Variants in SPTBN4 observed in about 807,000 individuals in gnomAD.
SPTBN4 encodes the protein spectrin beta, non-erythrocytic 4.
SPTBN4 carries 96 observed loss-of-function variants against 277.8 expected under a neutral mutation model. That is an observed-to-expected ratio of 0.35 (90% CI 0.29 to 0.41). SPTBN4 has a LOEUF of 0.41. Among genes scored for constraint, SPTBN4 ranks in the 10% least tolerant of loss-of-function variants. The probability of loss-of-function intolerance (pLI) is 1.00; values close to 1 mark genes in which losing one functional copy is unlikely to be tolerated. For missense variants in SPTBN4, 3,006 were observed against 3,595.7 expected, an observed-to-expected ratio of 0.84 and a Z score of 4.19; for synonymous variants, 1,481 against 1,580.3, an observed-to-expected ratio of 0.94 and a Z score of 1.49.
At chr19:40,509,607 G>T (rs1051458089) in intron 13 of SPTBN4, among the ~76,000 whole-genome samples, 1 of 152,162 alleles carries the variant, frequency 6.6e-6, no homozygotes, top group Non-Finnish European at 1.5e-5. Flanking sequence ...GGCAGTTGGG[G>T]CTGCTTTATT....
At chr19:40,530,837 C>G (rs914247991) in intron 18 of SPTBN4, 3 of 151,834 alleles carry the variant, frequency 2.0e-5, no homozygotes, top group African/African-American at 7.3e-5. Context: ...AGCGGGGGGA[C>G]TTCTAAGACC....
At chr19:40,533,720 C>T (rs1261604354) in intron 19 of SPTBN4, among the ~76,000 whole-genome samples, 1 of 151,926 alleles carries the variant, frequency 6.6e-6, no homozygotes, top group Non-Finnish European at 1.5e-5. Context: ...GGTCCTCTCC[C>T]CATGTTTCTG....
chr19:40,560,788 T>C lies in SPTBN4; in HGVS notation c.5915+385T>C. On this transcript the variant is annotated intron_variant, in intron 27 of 35. Transcript: ENST00000598249. The surrounding 1 kb of genome is among the most constrained non-coding windows in gnomAD (Gnocchi z 5.2). ...GGCTTCATTAGTGGGCATGGGCTTA[T>C]TGCTCACATAGTGGTTGGATGTGAG... is the stretch of plus-strand genomic sequence containing the variant. 1 of 1,184,362 alleles carries C rather than the reference T, an allele frequency of 8.4e-7. No individual in the cohort carries two copies. Among genetic ancestry groups the C allele is most frequent in the Non-Finnish European group, 1.1e-6 (1 of 940,856 alleles). The allele number at this position is 1,184,362 out of a possible 1,614,324, so 73.4% of individuals were successfully genotyped here. A position where few individuals can be genotyped will look rare whatever the true frequency, so the allele number is the denominator to read the frequency against.
At chr19:40,552,588 A>T (rs2080931251) in intron 22 of SPTBN4, among the ~76,000 whole-genome samples, 1 of 152,000 alleles carries the variant, frequency 6.6e-6, no homozygotes, top group Admixed American at 6.6e-5. Context: ...CATTATCCTC[A>T]TTTCACCAAA....
intron 18 of SPTBN4, chr19:40,530,983 T>G (rs546770023): frequency 6.6e-6 from 1 of 150,830 alleles, no homozygotes; most frequent in African/African-American, 2.4e-5. Flanking sequence ...GGGGGTTTCT[T>G]TCTTGTTTTG....
rs757346060 is a variant in SPTBN4, at chr19:40,566,251, G to A, written c.6228G>A (p.Leu2076=). The A allele has an allele frequency of 1.9e-6, 3 of 1,569,982 alleles. No homozygotes were observed. In the South Asian group the frequency reaches 3.5e-5, roughly 18 times the overall value. ...AQEPLLQSRE[L]GSSVDEVEQL... ...AGCCGCTCCTGCAGAGCCGGGAGCT[G>A]GGCAGCAGCGTGGATGAGGTGGAGC... Residue 2076 remains leucine, a synonymous_variant, in exon 30 of 36, where the codon CTG becomes CTA. Transcript: ENST00000598249.
Position 40,554,023 on chromosome 19 carries a change from G to A in SPTBN4, c.4675-124G>A, listed in dbSNP as rs1163789412. 2.0e-6 allele frequency: 2 copies of A among 1,001,912 alleles called. No individual in the cohort carries two copies. Among genetic ancestry groups the A allele is most frequent in the South Asian group, 2.0e-5 (1 of 49,898 alleles). 62.1% of individuals were successfully genotyped at this position (1,001,912 alleles called of 1,614,324 possible). A position where few individuals can be genotyped will look rare whatever the true frequency, so the allele number is the denominator to read the frequency against. On this transcript the variant is annotated intron_variant, in intron 22 of 35. Transcript: ENST00000598249. This position sits in a 1 kb window ranked among gnomAD's most constrained non-coding sequence, Gnocchi z 5.7. ...AATGTTTACATGGTCTTGGCACGTG[G>A]TTAGCGAGCTGGGGGTGCTTGTTAA...
chr19:40,549,171 C>G lies in SPTBN4; in HGVS notation c.4360-18C>G, dbSNP rs765322233. 6.5e-7 allele frequency: 1 copy of G among 1,531,298 alleles called. No individual in the cohort carries two copies. The allele number at this position is 1,531,298 out of a possible 1,614,324, so 94.9% of individuals were successfully genotyped here. ...GGAGGGCGGGTGGGGCCCATTGACC[C>G]TGCCTCTGTCCCCACAGTCCATGGA... On this transcript the variant is annotated intron_variant, in intron 20 of 35. Coordinates refer to ENST00000598249, the MANE Select transcript of SPTBN4 (RefSeq NM_020971.3).
chr19:40,530,895 C>A (rs1193797754), intron 18 of SPTBN4: 14 of 150,590 alleles, frequency 9.3e-5, no homozygotes, highest in African/African-American at 2.2e-4. Flanking sequence ...GGCGTCTCAG[C>A]CTTTCGAGGG....
In SPTBN4 at chr19:40,549,389, G is replaced by C; in HGVS notation, c.4560G>C (p.Val1520=). 1 of 1,519,110 alleles carries C rather than the reference G, an allele frequency of 6.6e-7. No individual in the cohort carries two copies. Among genetic ancestry groups the C allele is most frequent in the South Asian group, 1.2e-5 (1 of 82,202 alleles). 94.1% of individuals were successfully genotyped at this position (1,519,110 alleles called of 1,614,324 possible). ...LLLASKELHQ[V]AHDLDDELAW... ...TGGCTTCCAAGGAGTTGCACCAGGT[G>C]GCGCACGACCTGGACGACGAGCTGG... The change falls in exon 21 of 36, where the codon GTG becomes GTC. Residue 1520 remains valine, a synonymous_variant. Coordinates refer to ENST00000598249, the MANE Select transcript of SPTBN4 (RefSeq NM_020971.3).
chr19:40,496,916 T>C (rs376565488), intron 6 of SPTBN4, among the ~76,000 whole-genome samples: 1 of 151,388 alleles, frequency 6.6e-6, no homozygotes, highest in South Asian at 2.1e-4. Context: ...CTACTAAAAA[T>C]ATAAAAATTA....
chr19:40,496,670 T>G (rs1429622823), intron 6 of SPTBN4, among the ~76,000 whole-genome samples: 1 of 152,136 alleles, frequency 6.6e-6, no homozygotes, highest in Non-Finnish European at 1.5e-5. Flanking sequence ...AACCAGGATA[T>G]GACCAAGCTG....
chr19:40,477,051 C>T (rs1005938721), intron 2 of SPTBN4, among the ~76,000 whole-genome samples: 51 of 124,654 alleles, frequency 4.1e-4, no homozygotes, highest in Non-Finnish European at 7.0e-4. Context: ...TTATTATTAT[C>T]ATTATCATTA....
In SPTBN4 at chr19:40,561,245, TC is replaced by T. The variant is rs201176911; in HGVS notation, c.5915+843del. 6.2e-3 allele frequency among the ~76,000 whole-genome samples: 941 copies of T among 152,230 alleles called. 17 individuals carry two copies. Among genetic ancestry groups the T allele is most frequent in the African/African-American group, 0.022 (894 of 41,558 alleles). ...CCACTCTGGTCTCAAACTCCTGGCC[TC>T]AAGTGGTCCACCTGCCTCAGCCTTC... On this transcript the variant is annotated intron_variant, in intron 27 of 35. Coordinates refer to ENST00000598249, the MANE Select transcript of SPTBN4 (RefSeq NM_020971.3).
intron 17 of SPTBN4, among the ~76,000 whole-genome samples, chr19:40,527,565 A>T (rs1387262057): frequency 6.6e-6 from 1 of 152,234 alleles, no homozygotes; most frequent in Admixed American, 6.5e-5. Context: ...GTCAGGAGGG[A>T]CCTCACGAAG....
At chr19:40,545,767 C>T (rs1388721069) in intron 20 of SPTBN4, among the ~76,000 whole-genome samples, 1 of 151,864 alleles carries the variant, frequency 6.6e-6, no homozygotes, top group African/African-American at 2.4e-5. Flanking sequence ...ATTGGCCAGG[C>T]GTGGTGGCTC....
chr19:40,556,104 A>T lies in SPTBN4; in HGVS notation c.5105A>T (p.Gln1702Leu), dbSNP rs1438712089. The T allele has an allele frequency of 1.2e-6, 2 of 1,611,544 alleles. No individual in the cohort carries two copies. The highest frequency in any genetic ancestry group is 1.1e-5 in the South Asian group (1 of 90,950). Reference protein sequence around the residue: ...HPDSEQISRRQSQVDRLYVAL... With the variant: ...HPDSEQISRRLSQVDRLYVAL... ...TTCAGCGAGCAGATCAGCCGGCGGCAGTCTCAGGTGGACCGCCTGTACGTG... is the reference window on the plus strand; with the variant it reads ...TTCAGCGAGCAGATCAGCCGGCGGCTGTCTCAGGTGGACCGCCTGTACGTG... Residue 1702 changes from glutamine (Q) to leucine (L), a missense_variant, in exon 25 of 36, where the codon CAG (glutamine) becomes CTG (leucine). Around this residue, in one of 5 missense-constraint regions of SPTBN4, gnomAD observed 425 missense variants for 594.7 expected, o/e 0.71. Transcript: ENST00000598249.
chr19:40,568,247 A>T lies in SPTBN4; in HGVS notation c.6921A>T (p.Glu2307Asp). The T allele has an allele frequency of 6.2e-7, 1 of 1,603,066 alleles. No individual in the cohort carries two copies. The highest frequency in any genetic ancestry group is 1.7e-5 in the Admixed American group (1 of 58,552). Residue 2307 changes from glutamate (E) to aspartate (D), a missense_variant, in exon 31 of 36, where the codon GAA becomes GAT. Transcript: ENST00000598249. ...ERRLERQESS[E>D]QEMPIRGDLV... ...GCTTGGAGCGGCAGGAGTCCAGCGA[A>T]CAGGAGATGCCCATCAGAGGAGACC... is the stretch of plus-strand genomic sequence containing the variant.
chr19:40,536,640 A>G (rs1449561163), intron 20 of SPTBN4, among the ~76,000 whole-genome samples: 4 of 152,148 alleles, frequency 2.6e-5, no homozygotes, highest in African/African-American at 4.8e-5. Flanking sequence ...ACCTATTGAC[A>G]TTCACTGTAT....
Sources: allele counts gnomAD v4.1 joint callset (sites outside exome capture counted in the v4.1 genomes callset), GRCh38; gene constraint gnomAD v4.1.1; regional missense constraint gnomAD v4.1.1; non-coding constraint Gnocchi (gnomAD v3.1); transcripts MANE v1.5; gene names NCBI Gene and HGNC (gene_info 2026-07-23, HGNC 2026-07-21).